Variants in DLC1 observed in about 807,000 individuals in gnomAD.
The protein encoded by DLC1 is DLC1 Rho GTPase activating protein.
Under a neutral mutation model 140.3 loss-of-function variants are expected in DLC1, and 54 were observed. The ratio of observed to expected loss-of-function variants is 0.38; its 90% CI spans 0.31 to 0.48. DLC1 has a LOEUF of 0.48. Ranked by LOEUF, DLC1 falls within the 20% of genes least tolerant of loss-of-function variation. The probability of loss-of-function intolerance (pLI) is 0.96; values close to 1 mark genes in which losing one functional copy is unlikely to be tolerated. For missense variants in DLC1, 2,536 were observed against 1,907.0 expected (o/e 1.33, Z -6.14); for synonymous variants, 986 against 728.1 (o/e 1.35, Z -5.70).
chr8:13,566,391 C>T (rs992629162), intron 1 of DLC1, among the ~76,000 whole-genome samples: 4 of 134,260 alleles, frequency 3.0e-5, no homozygotes, highest in African/African-American at 1.1e-4. Flanking sequence ...ACTTCGAGGT[C>T]CTCAGAATGC....
chr8:13,397,011 G>T (rs996175710), intron 3 of DLC1, among the ~76,000 whole-genome samples: 1 of 150,178 alleles, frequency 6.7e-6, no homozygotes, highest in Non-Finnish European at 1.5e-5. Flanking sequence ...CCATCTATCA[G>T]TGTTACCCTA....
intron 5 of DLC1, among the ~76,000 whole-genome samples, chr8:13,141,079 A>C (rs566655675): frequency 5.9e-5 from 9 of 152,044 alleles, no homozygotes; most frequent in South Asian, 2.1e-4. Context: ...ACATGGAGGA[A>C]TCCCCATCAC....
At chr8:13,531,414 C>T (rs1803092625) in intron 1 of DLC1, among the ~76,000 whole-genome samples, 1 of 152,062 alleles carries the variant, frequency 6.6e-6, no homozygotes, top group Non-Finnish European at 1.5e-5. Flanking sequence ...GGTGAAACCC[C>T]ATCTCTACTA....
intron 5 of DLC1, among the ~76,000 whole-genome samples, chr8:13,135,566 C>T (rs1183274133): frequency 6.8e-6 from 1 of 148,140 alleles, no homozygotes; most frequent in Non-Finnish European, 1.5e-5. Flanking sequence ...AATATTCAAA[C>T]TTAAAAAATA....
chr8:13,400,529 A>G (rs1563316364), intron 3 of DLC1, among the ~76,000 whole-genome samples: 1 of 152,186 alleles, frequency 6.6e-6, no homozygotes, highest in South Asian at 2.1e-4. Flanking sequence ...AACAATTGTT[A>G]TATTCTGTGG....
chr8:13,450,450 C>A (rs578016128), intron 2 of DLC1, among the ~76,000 whole-genome samples: 3,579 of 41,962 alleles, frequency 0.085, 69 homozygotes, highest in Middle Eastern at 0.25. Context: ...GTGAGACTGT[C>A]TCAAAAAAAA....
intron 4 of DLC1, among the ~76,000 whole-genome samples, chr8:13,382,528 A>AC (rs75756138): frequency 6.7e-6 from 1 of 149,140 alleles, no homozygotes. Context: ...AAAAAAAAAA[A>AC]AAAAGAAAGA....
At chr8:13,603,400 A>AT (rs998239796) in intron 1 of DLC1, among the ~76,000 whole-genome samples, 9 of 150,850 alleles carry the variant, frequency 6.0e-5, no homozygotes, top group East Asian at 1.9e-4. Flanking sequence ...TTTTACTTTA[A>AT]TTTTTTTTTA....
At chr8:13,391,720 T>C (rs1325592635) in intron 4 of DLC1, among the ~76,000 whole-genome samples, 1 of 152,172 alleles carries the variant, frequency 6.6e-6, no homozygotes, top group Non-Finnish European at 1.5e-5. Context: ...CAACTCATTG[T>C]TATGAATTAT....
rs767769400 is a variant in DLC1, at chr8:13,085,785, T to A, written c.*26A>T. ...GTTCTAGAAACAAACACCATGGTGGTGGAAGCGGTTGCGTTGCTTCAGTGA... is the reference window on the plus strand; with the variant it reads ...GTTCTAGAAACAAACACCATGGTGGAGGAAGCGGTTGCGTTGCTTCAGTGA... On this transcript the variant is annotated 3_prime_UTR_variant, in exon 18 of 18. Coordinates refer to ENST00000276297, the MANE Select transcript of DLC1 (RefSeq NM_182643.3). 3.1e-6 allele frequency: 5 copies of A among 1,613,932 alleles called. No individual in the cohort carries two copies. Among genetic ancestry groups the A allele is most frequent in the Non-Finnish European group, 3.4e-6 (4 of 1,179,874 alleles).
At chr8:13,578,970 T>C (rs1034117173) in intron 1 of DLC1, among the ~76,000 whole-genome samples, 12 of 151,808 alleles carry the variant, frequency 7.9e-5, no homozygotes, top group Admixed American at 1.3e-4. Flanking sequence ...AACGTTTTAT[T>C]ACAGGTTGGT....
intron 2 of DLC1, among the ~76,000 whole-genome samples, chr8:13,408,836 C>T (rs1283843344): frequency 2.0e-5 from 3 of 152,020 alleles, no homozygotes; most frequent in African/African-American, 4.8e-5. Flanking sequence ...TTTGCTTTGG[C>T]TCAGGTCTTA....
intron 1 of DLC1, among the ~76,000 whole-genome samples, chr8:13,590,212 A>T (rs1805473198): frequency 6.6e-6 from 1 of 151,972 alleles, no homozygotes; most frequent in South Asian, 2.1e-4. Flanking sequence ...GTGGCCTCTC[A>T]ACATCCTTGA....
chr8:13,431,481 T>TTAAAAA (rs1714254089), intron 2 of DLC1, among the ~76,000 whole-genome samples: 1 of 12,082 alleles, frequency 8.3e-5, no homozygotes, highest in Admixed American at 1.5e-3. Flanking sequence ...AGACTCCGTC[T>TTAAAAA]CAAAAAAAAA....
intron 5 of DLC1, among the ~76,000 whole-genome samples, chr8:13,232,730 C>A (rs1001308696): frequency 1.3e-5 from 2 of 152,192 alleles, no homozygotes; most frequent in African/African-American, 2.4e-5. Context: ...CTTGGCAGTT[C>A]AAGAGACTGA....
intron 5 of DLC1, among the ~76,000 whole-genome samples, chr8:13,117,781 A>G (rs1270739193): frequency 6.6e-6 from 1 of 152,232 alleles, no homozygotes; most frequent in African/African-American, 2.4e-5. Context: ...GCCCACATAC[A>G]AAAGCCTTAA....
intron 5 of DLC1, among the ~76,000 whole-genome samples, chr8:13,225,258 C>CA (rs1294875725): frequency 6.6e-6 from 1 of 152,148 alleles, no homozygotes; most frequent in African/African-American, 2.4e-5. Flanking sequence ...GAAGTGGCCC[C>CA]AAAACACTTT....
At chr8:13,228,324 G>C (rs976752114) in intron 5 of DLC1, among the ~76,000 whole-genome samples, 6 of 150,460 alleles carry the variant, frequency 4.0e-5, no homozygotes, top group African/African-American at 1.5e-4. Context: ...ACACTTAGCA[G>C]GGAACATCTA....
At chr8:13,552,641 T>G (rs1444947499) in intron 1 of DLC1, among the ~76,000 whole-genome samples, 1 of 151,602 alleles carries the variant, frequency 6.6e-6, no homozygotes, top group Non-Finnish European at 1.5e-5. Flanking sequence ...TCATAGAGTA[T>G]TAATTTCTGA....
Sources: gnomAD v4.1 joint callset for allele counts (sites outside exome capture counted in the v4.1 genomes callset) on GRCh38, gnomAD v4.1.1 for gene constraint, MANE v1.5 for transcripts, NCBI Gene and HGNC (gene_info 2026-07-23, HGNC 2026-07-21) for gene names.